SPATA13: variants seen among roughly 807,000 people sequenced by gnomAD.
SPATA13 encodes spermatogenesis-associated protein 13.
A neutral mutation model predicts 104.0 loss-of-function variants in SPATA13; 50 were observed. That is an observed-to-expected ratio of 0.48 (90% CI 0.38 to 0.61). The LOEUF (loss-of-function observed/expected upper bound fraction) is 0.61, where lower values mean the gene tolerates loss of function less well. Among genes scored for constraint, SPATA13 ranks in the 20% least tolerant of loss-of-function variants. The pLI is 0.00. For missense variants in SPATA13, 1,524 were observed against 1,690.6 expected (o/e 0.90, Z 1.73); for synonymous variants, 606 against 667.5 (o/e 0.91, Z 1.42).
Position 24,303,214 on chromosome 13 carries a change from G to A in SPATA13, c.*441G>A, listed in dbSNP as rs1448842140. On this transcript the variant is annotated 3_prime_UTR_variant, in exon 13 of 13. Transcript: ENST00000382108. ...ATTTTCAAGGATGCCGTCAAGACGG[G>A]GTTGACACAATGCTGCACGTGTCTG... 2.4e-6 allele frequency: 1 copy of A among 421,534 alleles called. No individual in the cohort carries two copies. The highest frequency in any genetic ancestry group is 2.0e-5 in the African/African-American group (1 of 48,928). 26.1% of individuals were successfully genotyped at this position (421,534 alleles called of 1,614,324 possible). A position where few individuals can be genotyped will look rare whatever the true frequency, so the allele number is the denominator to read the frequency against.
At chr13:24,075,064 G>A (rs187877303) in intron 3 of SPATA13, among the ~76,000 whole-genome samples, 1 of 152,350 alleles carries the variant, frequency 6.6e-6, no homozygotes, top group East Asian at 1.9e-4. Flanking sequence ...GAATATGTGA[G>A]GAGGCACCTT....
intron 4 of SPATA13, 38 bp downstream of exon 4, chr13:24,251,900 G>T (rs1347573999): frequency 1.3e-6 from 2 of 1,590,554 alleles, no homozygotes; most frequent in Middle Eastern, 1.7e-4. Flanking sequence ...GAGCTGCTAT[G>T]GGCCCATCTG....
intron 4 of SPATA13, among the ~76,000 whole-genome samples, chr13:24,265,706 T>C (rs1049165586): frequency 2.6e-5 from 4 of 152,148 alleles, no homozygotes; most frequent in Non-Finnish European, 5.9e-5. Flanking sequence ...CTGATGGCCA[T>C]GCTTTCCCAG....
chr13:24,173,399 T>C (rs954626216), intron 1 of SPATA13, among the ~76,000 whole-genome samples: 68 of 132,972 alleles, frequency 5.1e-4, no homozygotes, highest in Middle Eastern at 7.8e-3. Flanking sequence ...TGTGTGTGTG[T>C]GTGGTAGATT....
intron 2 of SPATA13, chr13:23,983,968 T>A: frequency 3.1e-6 from 3 of 983,244 alleles, no homozygotes; most frequent in Non-Finnish European, 3.6e-6. Flanking sequence ...CATGGCATTA[T>A]CCATGCTTAT....
At chr13:24,077,681 G>A (rs1249552906) in intron 3 of SPATA13, among the ~76,000 whole-genome samples, 2 of 152,106 alleles carry the variant, frequency 1.3e-5, no homozygotes, top group African/African-American at 4.8e-5. Context: ...GAAGATTCAG[G>A]TCACAGTGTA....
rs1877512549 is a variant in SPATA13 at position 24,305,361 on chromosome 13, A to G, written c.*2588A>G. On this transcript the variant is annotated 3_prime_UTR_variant, in exon 13 of 13. Transcript: ENST00000382108. ...GAGTGTGAGGGTCACTCCATTAAAG[A>G]TCTCTCCTGGGTGGATCCTACTTGG... The G allele has an allele frequency of 6.6e-6, 1 of 152,182 alleles. No individual in the cohort carries two copies. Among genetic ancestry groups the G allele is most frequent in the Non-Finnish European group, 1.5e-5 (1 of 68,030 alleles). The allele number at this position is 152,182 out of a possible 1,614,324, so 9.4% of individuals were successfully genotyped here. A position where few individuals can be genotyped will look rare whatever the true frequency, so the allele number is the denominator to read the frequency against.
chr13:23,984,845 C>T (rs1166035526), intron 2 of SPATA13, among the ~76,000 whole-genome samples: 1 of 152,208 alleles, frequency 6.6e-6, no homozygotes, highest in East Asian at 1.9e-4. Context: ...GGTGCCAGCA[C>T]TTGGAGTTTG....
chr13:24,265,163 G>T (rs891840267), intron 4 of SPATA13, among the ~76,000 whole-genome samples: 2 of 152,206 alleles, frequency 1.3e-5, no homozygotes, highest in Admixed American at 6.5e-5. Flanking sequence ...GTATGATGGG[G>T]CCCGCCCCTC....
At chr13:24,199,393 A>G (rs950199833) in intron 1 of SPATA13, among the ~76,000 whole-genome samples, 2 of 152,234 alleles carry the variant, frequency 1.3e-5, no homozygotes, top group African/African-American at 4.8e-5. Context: ...CTCATTCTAC[A>G]TACTGATTCT....
chr13:24,179,858 C>A (rs1868690313), intron 1 of SPATA13, among the ~76,000 whole-genome samples: 2 of 152,090 alleles, frequency 1.3e-5, no homozygotes, highest in Non-Finnish European at 2.9e-5. Flanking sequence ...AATTGGGTTG[C>A]TTGCCATTTT....
rs753813244 is a variant in SPATA13, at chr13:24,294,757, G to A, written c.3099G>A (p.Lys1033=). The change falls in exon 10 of 13, where the codon AAG becomes AAA. Residue 1033 remains lysine (K), a synonymous_variant. Coordinates refer to ENST00000382108, the MANE Select transcript of SPATA13 (RefSeq NM_001166271.3). The part of the protein sequence containing the change: ...TQEHGDYSNI[K]AAYEAMKNVA... ...CTTGCAGTGATTACAGCAACATAAA[G>A]GCAGCATATGAGGCCATGAAGAATG... is the stretch of plus-strand genomic sequence containing the variant. The A allele has an allele frequency of 3.8e-6, 6 of 1,597,478 alleles. No individual in the cohort carries two copies. The highest frequency in any genetic ancestry group is 4.3e-6 in the Non-Finnish European group (5 of 1,166,044).
chr13:24,082,853 A>AAAAC (rs1566096840), intron 3 of SPATA13, among the ~76,000 whole-genome samples: 2 of 137,370 alleles, frequency 1.5e-5, no homozygotes, highest in African/African-American at 2.7e-5. Context: ...AAAAAAAAAA[A>AAAAC]ATAAGATCTT....
chr13:24,223,569 C>A lies in SPATA13; in HGVS notation c.640C>A (p.Leu214Met). 1.2e-5 allele frequency: 19 copies of A among 1,549,838 alleles called. No homozygotes were observed. Among genetic ancestry groups the A allele is most frequent in the African/African-American group, 1.1e-4 (8 of 73,198 alleles). The change falls in exon 2 of 13, where the codon CTG becomes ATG. Residue 214 changes from leucine (L) to methionine (M), a missense_variant. Leu to Met is a conservative substitution (Grantham distance 15). Coordinates refer to ENST00000382108, the MANE Select transcript of SPATA13 (RefSeq NM_001166271.3). ...AGCCTACGGCCTGGGCCGCATCTGC[C>A]TGCTGGATGCGCCCCAGAACCATGC... ...RRAYGLGRICLLDAPQNHATP... is the reference protein window; with the variant it reads ...RRAYGLGRICMLDAPQNHATP...
intron 3 of SPATA13, among the ~76,000 whole-genome samples, chr13:24,070,889 A>G (rs956369895): frequency 6.6e-6 from 1 of 152,064 alleles, no homozygotes; most frequent in Non-Finnish European, 1.5e-5. Context: ...TCAGACTGGA[A>G]CTATGTCCTC....
chr13:24,156,650 A>G (rs1374342745), upstream of SPATA13, among the ~76,000 whole-genome samples: 1 of 152,262 alleles, frequency 6.6e-6, no homozygotes, highest in Non-Finnish European at 1.5e-5. Flanking sequence ...AGAATAAAAT[A>G]TAGCAAACGC....
rs960414064 is a variant in SPATA13 at position 24,263,214 on chromosome 13, C to T, written c.2164+11352C>T. ...TGCTGCTTCTGCATTTTACTCAAATCGATTTTCAAATATTTTCTTTCAATA... is the reference window on the plus strand; with the variant it reads ...TGCTGCTTCTGCATTTTACTCAAATTGATTTTCAAATATTTTCTTTCAATA... On this transcript the variant is annotated intron_variant, in intron 4 of 12. Transcript: ENST00000382108. Among the ~76,000 whole-genome samples the T allele has an allele frequency of 5.3e-5, 8 of 152,128 alleles. No individual in the cohort carries two copies. In the East Asian group the frequency reaches 7.7e-4, roughly 15 times the overall value.
In SPATA13 at chr13:24,222,920, G is replaced by C; in HGVS notation, c.-10G>C. The C allele has an allele frequency of 3.2e-6, 5 of 1,550,772 alleles. No homozygotes were observed. Among genetic ancestry groups the C allele is most frequent in the Non-Finnish European group, 4.4e-6 (5 of 1,146,510 alleles). ...AGCTGCGGTCTGCGGACTCGGCAGT[G>C]CCCGTGGCCATGACCCAGGCTGCCG... On this transcript the variant is annotated 5_prime_UTR_variant, in exon 2 of 13. Coordinates refer to ENST00000382108, the MANE Select transcript of SPATA13 (RefSeq NM_001166271.3).
chr13:24,219,313 G>A (rs976402322), intron 1 of SPATA13, among the ~76,000 whole-genome samples: 1 of 152,090 alleles, frequency 6.6e-6, no homozygotes, highest in African/African-American at 2.4e-5. Flanking sequence ...CAACAATCAC[G>A]TTGTTCAGCT....
Sources: gnomAD v4.1 joint callset for allele counts (sites outside exome capture counted in the v4.1 genomes callset) on GRCh38, gnomAD v4.1.1 for gene constraint, MANE v1.5 for transcripts, NCBI Gene and HGNC (gene_info 2026-07-23, HGNC 2026-07-21) for gene names.